The following TENM4 variants were observed in gnomAD, a reference collection of about 807,000 sequenced individuals.
The protein encoded by TENM4 is teneurin transmembrane protein 4.
A neutral mutation model predicts 243.3 loss-of-function variants in TENM4; 82 were observed. The observed-to-expected ratio is 0.34, with a 90% CI of 0.28 to 0.40. The LOEUF is 0.40. Among genes scored for constraint, TENM4 ranks in the 10% least tolerant of loss-of-function variants. TENM4 has a pLI of 1.00. For missense variants in TENM4, 3,138 were observed against 3,673.3 expected (o/e 0.85, Z 3.77); for synonymous variants, 1,412 against 1,456.3 (o/e 0.97, Z 0.69).
intron 2 of TENM4, among the ~76,000 whole-genome samples, chr11:79,294,085 TCC>T (rs1425351264): frequency 1.3e-5 from 2 of 152,154 alleles, no homozygotes; most frequent in African/African-American, 4.8e-5. Flanking sequence ...GCAATCCTAG[TCC>T]TGTCTTTAAT....
chr11:79,206,694 C>T (rs1434049178), intron 3 of TENM4, among the ~76,000 whole-genome samples: 1 of 152,120 alleles, frequency 6.6e-6, no homozygotes, highest in Non-Finnish European at 1.5e-5. Flanking sequence ...TTGCTTCTTC[C>T]TCATTTTCTC....
intron 1 of TENM4, among the ~76,000 whole-genome samples, chr11:79,328,228 C>T (rs544043613): frequency 1.3e-5 from 2 of 152,306 alleles, no homozygotes; most frequent in South Asian, 4.1e-4. Flanking sequence ...TGTGATGGTT[C>T]TCATTCAACT....
intron 1 of TENM4, among the ~76,000 whole-genome samples, chr11:79,437,458 CG>C (rs1379708816): frequency 6.6e-6 from 1 of 152,012 alleles, no homozygotes; most frequent in Non-Finnish European, 1.5e-5. Flanking sequence ...GCGGCGCTTG[CG>C]GCTGGAACTT....
intron 4 of TENM4, among the ~76,000 whole-genome samples, chr11:79,144,060 G>A (rs1477370785): frequency 2.0e-5 from 3 of 151,922 alleles, no homozygotes; most frequent in Non-Finnish European, 2.9e-5. Context: ...ATCTGACGAC[G>A]CATTAATAAT....
intron 6 of TENM4, among the ~76,000 whole-genome samples, chr11:78,969,563 A>T (rs562501370): frequency 6.6e-6 from 1 of 152,236 alleles, no homozygotes; most frequent in South Asian, 2.1e-4. Flanking sequence ...AACAAAATAT[A>T]CTTTTTAACA....
At chr11:79,337,113 T>C (rs937000210) in intron 1 of TENM4, among the ~76,000 whole-genome samples, 13 of 152,260 alleles carry the variant, frequency 8.5e-5, no homozygotes, top group African/African-American at 3.1e-4. Context: ...TTAAGTTTTG[T>C]CAGCAACTAT....
chr11:78,663,743 C>T (rs1858085147), intron 32 of TENM4, among the ~76,000 whole-genome samples: 1 of 152,174 alleles, frequency 6.6e-6, no homozygotes, highest in African/African-American at 2.4e-5. Context: ...CAGCATAAAA[C>T]AGACTGAGAC....
chr11:79,327,610 T>C (rs11237789), intron 1 of TENM4, among the ~76,000 whole-genome samples: 3,295 of 149,294 alleles, frequency 0.022, 113 homozygotes, highest in African/African-American at 0.077. Flanking sequence ...TTGCCCCAAA[T>C]CACTTATAGC....
At chr11:79,035,689 T>A (rs191085570) in intron 6 of TENM4, among the ~76,000 whole-genome samples, 18 of 152,356 alleles carry the variant, frequency 1.2e-4, no homozygotes, top group Non-Finnish European at 1.6e-4. Context: ...TATTCTATGC[T>A]GTGTTGTTAA....
intron 3 of TENM4, among the ~76,000 whole-genome samples, chr11:79,172,666 C>CT (rs71457503): frequency 0.44 from 60,681 of 137,682 alleles, 15,235 homozygotes; most frequent in Non-Finnish European, 0.58. Flanking sequence ...TTTTCTGTTC[C>CT]TTTTTTTTTT....
In TENM4 at chr11:79,308,710, C is replaced by T. The variant is rs1338910633; in HGVS notation, c.-320-11167G>A. Among the ~76,000 whole-genome samples the T allele has an allele frequency of 4.6e-5, 7 of 152,160 alleles. No homozygotes were observed. In the South Asian group the frequency reaches 8.3e-4, roughly 18 times the overall value. On this transcript the variant is annotated intron_variant, in intron 1 of 33. Coordinates refer to ENST00000278550, the MANE Select transcript of TENM4 (RefSeq NM_001098816.3). ...GCTACACGGCACGTTAGAGTTAACTCGAGGCTAGCACAGGCCCCTGGTGCC... is the reference window on the plus strand; with the variant it reads ...GCTACACGGCACGTTAGAGTTAACTTGAGGCTAGCACAGGCCCCTGGTGCC...
intron 7 of TENM4, among the ~76,000 whole-genome samples, chr11:78,901,089 G>A (rs1252058587): frequency 6.6e-6 from 1 of 152,144 alleles, no homozygotes; most frequent in African/African-American, 2.4e-5. Flanking sequence ...GCAAGACTCT[G>A]TGAAAAGGCA....
intron 4 of TENM4, among the ~76,000 whole-genome samples, chr11:79,124,921 G>A (rs953323425): frequency 6.8e-6 from 1 of 146,412 alleles, no homozygotes; most frequent in Non-Finnish European, 1.5e-5. Flanking sequence ...GTGTGTGTGT[G>A]TATGTATATA....
At chr11:78,820,895 T>C (rs868020195) in intron 12 of TENM4, among the ~76,000 whole-genome samples, 9 of 152,250 alleles carry the variant, frequency 5.9e-5, no homozygotes, top group African/African-American at 1.4e-4. Flanking sequence ...TTTTCTCCCA[T>C]TGCACTCTAG....
intron 6 of TENM4, among the ~76,000 whole-genome samples, chr11:79,062,166 T>G (rs1860108598): frequency 6.6e-6 from 1 of 152,132 alleles, no homozygotes; most frequent in African/African-American, 2.4e-5. Flanking sequence ...TTTGCCATGT[T>G]GCCCAGGCTG....
chr11:78,973,857 C>T (rs1220311022), intron 6 of TENM4, among the ~76,000 whole-genome samples: 6 of 151,408 alleles, frequency 4.0e-5, no homozygotes, highest in South Asian at 2.1e-4. Flanking sequence ...TCAGGGAAGC[C>T]CTCCCTGAGG....
intron 33 of TENM4, among the ~76,000 whole-genome samples, chr11:78,660,619 G>A (rs183951204): frequency 2.4e-4 from 36 of 152,278 alleles, no homozygotes; most frequent in Admixed American, 1.8e-3. Context: ...CTGGCAACCT[G>A]CTTTCCTCCT....
intron 4 of TENM4, chr11:79,092,725 A>G (rs1039410676): frequency 5.3e-5 from 8 of 152,218 alleles, no homozygotes; most frequent in African/African-American, 1.9e-4. Context: ...CATTTACTGA[A>G]CACCTATTTT....
chr11:79,137,895 A>C lies in TENM4; in HGVS notation c.-66+10815T>G, dbSNP rs1038938072. Among the ~76,000 whole-genome samples the C allele has an allele frequency of 1.2e-4, 19 of 152,106 alleles. No homozygotes were observed. The Middle Eastern group carries it at 0.014, about 110-fold the overall frequency. On this transcript the variant is annotated intron_variant, in intron 4 of 33. Coordinates refer to ENST00000278550, the MANE Select transcript of TENM4 (RefSeq NM_001098816.3). ...TTATGTATGATCTCAAGAGATGTGC[A>C]TGGGTTCAGGTTGACAAGGGGTGGA... is the stretch of plus-strand genomic sequence containing the variant.
Sources: allele counts gnomAD v4.1 joint callset (sites outside exome capture counted in the v4.1 genomes callset), GRCh38; gene constraint gnomAD v4.1.1; transcripts MANE v1.5; gene names NCBI Gene and HGNC (gene_info 2026-07-23, HGNC 2026-07-21).